TAFA1: variants seen among roughly 807,000 people sequenced by gnomAD.
TAFA1 encodes TAFA chemokine like family member 1.
Under a neutral mutation model 18.5 loss-of-function variants are expected in TAFA1, and 4 were observed. The ratio of observed to expected loss-of-function variants is 0.22; its 90% CI spans 0.11 to 0.49. TAFA1 has a LOEUF of 0.49. Among genes scored for constraint, TAFA1 ranks in the 20% least tolerant of loss-of-function variants. The pLI, the probability that TAFA1 is intolerant of heterozygous loss-of-function variation, is 0.98. For missense variants in TAFA1, 147 were observed against 169.0 expected, an observed-to-expected ratio of 0.87 and a Z score of 0.72; for synonymous variants, 56 against 55.2, an observed-to-expected ratio of 1.01 and a Z score of -0.06.
intron 2 of TAFA1, among the ~76,000 whole-genome samples, chr3:68,090,745 T>A (rs2065021372): frequency 6.6e-6 from 1 of 152,182 alleles, no homozygotes; most frequent in Non-Finnish European, 1.5e-5. Context: ...GCCTTTTACT[T>A]GGGTGAGAGA....
intron 3 of TAFA1, among the ~76,000 whole-genome samples, chr3:68,443,816 C>T (rs2071428657): frequency 1.3e-5 from 2 of 152,080 alleles, no homozygotes; most frequent in African/African-American, 2.4e-5. Context: ...TGAGATTCCT[C>T]CTCATATTCT....
chr3:68,079,046 G>A (rs1321008523), intron 2 of TAFA1, among the ~76,000 whole-genome samples: 1 of 152,134 alleles, frequency 6.6e-6, no homozygotes, highest in African/African-American at 2.4e-5. Flanking sequence ...TTGGTAGAGG[G>A]TATGTGTCCA....
chr3:68,538,237 C>T (rs577610214), intron 3 of TAFA1, among the ~76,000 whole-genome samples: 4 of 152,156 alleles, frequency 2.6e-5, no homozygotes, highest in Admixed American at 6.5e-5. Context: ...TTACAAATCT[C>T]GCAGCCTCCA....
At chr3:68,405,695 ATCTC>A (rs2070589134) in intron 2 of TAFA1, among the ~76,000 whole-genome samples, 1 of 102,148 alleles carries the variant, frequency 9.8e-6, no homozygotes, top group Non-Finnish European at 1.9e-5. Flanking sequence ...GTGAGACTCT[ATCTC>A]AAAAAAAAAA....
chr3:68,455,307 A>G (rs1007542022), intron 3 of TAFA1, among the ~76,000 whole-genome samples: 1 of 152,018 alleles, frequency 6.6e-6, no homozygotes, highest in Non-Finnish European at 1.5e-5. Context: ...AGAGGCAGGC[A>G]TACTTGATGT....
At chr3:68,537,968 G>A (rs187519842) in intron 3 of TAFA1, among the ~76,000 whole-genome samples, 132 of 152,184 alleles carry the variant, frequency 8.7e-4, no homozygotes, top group African/African-American at 3.0e-3. Flanking sequence ...TGAAGTCTTC[G>A]AGGTTAGGAT....
intron 2 of TAFA1, among the ~76,000 whole-genome samples, chr3:68,413,767 A>G (rs2106786734): frequency 1.3e-5 from 2 of 152,238 alleles, no homozygotes; most frequent in East Asian, 3.9e-4. Context: ...GAGGGGACAT[A>G]AAGCAAGGGA....
At chr3:68,128,323 G>A (rs761852435) in intron 2 of TAFA1, among the ~76,000 whole-genome samples, 1 of 152,100 alleles carries the variant, frequency 6.6e-6, no homozygotes, top group Non-Finnish European at 1.5e-5. Context: ...CGCTGCTAAG[G>A]GACTTTAGAG....
chr3:68,313,934 C>T (rs1049856824), intron 2 of TAFA1, among the ~76,000 whole-genome samples: 1 of 152,112 alleles, frequency 6.6e-6, no homozygotes, highest in Non-Finnish European at 1.5e-5. Context: ...TATCAAATAT[C>T]CCTTACATGT....
chr3:68,439,015 A>C (rs565941385), intron 3 of TAFA1, among the ~76,000 whole-genome samples: 8 of 152,084 alleles, frequency 5.3e-5, no homozygotes, highest in African/African-American at 1.7e-4. Context: ...AGCCTCAAAG[A>C]TCTATAAAAT....
chr3:68,393,064 A>G (rs1406937460), intron 2 of TAFA1, among the ~76,000 whole-genome samples: 3 of 152,196 alleles, frequency 2.0e-5, no homozygotes, highest in Non-Finnish European at 4.4e-5. Flanking sequence ...CAATGAGTCC[A>G]GGAGCTGGTT....
At chr3:68,254,664 G>A (rs1298910818) in intron 2 of TAFA1, among the ~76,000 whole-genome samples, 1 of 152,016 alleles carries the variant, frequency 6.6e-6, no homozygotes, top group East Asian at 1.9e-4. Flanking sequence ...TAAAGGAAGG[G>A]TAAAGATATA....
At chr3:68,104,853 A>G (rs1375447501) in intron 2 of TAFA1, among the ~76,000 whole-genome samples, 1 of 152,098 alleles carries the variant, frequency 6.6e-6, no homozygotes, top group African/African-American at 2.4e-5. Flanking sequence ...CCTCTAAACT[A>G]TGTGTCTGTA....
rs992148300 is a variant in TAFA1, at chr3:68,288,489, T to G, written c.119-128791T>G. Among the ~76,000 whole-genome samples, 5 of 152,278 alleles carry G rather than the reference T, an allele frequency of 3.3e-5. No homozygotes were observed. The East Asian group carries it at 7.7e-4, about 24-fold the overall frequency. On this transcript the variant is annotated intron_variant, in intron 2 of 4. Coordinates refer to ENST00000478136, the MANE Select transcript of TAFA1 (RefSeq NM_213609.4). The stretch of plus-strand genomic sequence containing the variant: ...GATTATGTCGCCATTTGCACCAAGT[T>G]GGTGCAGCTGTTTGTCAAGCAAGGC...
intron 2 of TAFA1, among the ~76,000 whole-genome samples, chr3:68,296,891 G>T (rs955298970): frequency 6.6e-6 from 1 of 152,158 alleles, no homozygotes; most frequent in Non-Finnish European, 1.5e-5. Flanking sequence ...ATAAAGGTGG[G>T]AAAAATGATG....
chr3:68,034,734 G>C (rs977759361), intron 2 of TAFA1, among the ~76,000 whole-genome samples: 1 of 152,122 alleles, frequency 6.6e-6, no homozygotes, highest in Non-Finnish European at 1.5e-5. Context: ...TTGTCTACCT[G>C]ACAGTTTGGA....
chr3:68,167,799 C>A lies in TAFA1; in HGVS notation c.118+161055C>A, dbSNP rs75581396. Among the ~76,000 whole-genome samples the A allele has an allele frequency of 1.6e-3, 247 of 152,076 alleles. 4 individuals carry two copies. The East Asian group carries it at 0.041, about 25-fold the overall frequency. On this transcript the variant is annotated intron_variant, in intron 2 of 4. Coordinates refer to ENST00000478136, the MANE Select transcript of TAFA1 (RefSeq NM_213609.4). Reference sequence around the variant, plus strand: ...AAGTTACAGAAGTCTAAATTACTTCCAAGATAGGGTGGAGGCTGCAGTGAG... The same window carrying A: ...AAGTTACAGAAGTCTAAATTACTTCAAAGATAGGGTGGAGGCTGCAGTGAG...
intron 2 of TAFA1, among the ~76,000 whole-genome samples, chr3:68,384,467 G>C (rs1420394292): frequency 6.6e-6 from 1 of 152,006 alleles, no homozygotes; most frequent in African/African-American, 2.4e-5. Context: ...AAATGTACTT[G>C]TATGGTTTTG....
At chr3:68,149,654 T>C (rs2118595) in intron 2 of TAFA1, among the ~76,000 whole-genome samples, 148,612 of 152,296 alleles carry the variant, frequency 0.98, 72,626 homozygotes, top group East Asian at 1. Context: ...GTACCAAGCC[T>C]GCCAGGAGGG....
Sources: gnomAD v4.1 joint callset for allele counts (sites outside exome capture counted in the v4.1 genomes callset) on GRCh38, gnomAD v4.1.1 for gene constraint, MANE v1.5 for transcripts, NCBI Gene and HGNC (gene_info 2026-07-23, HGNC 2026-07-21) for gene names.